Variants in DIP2A observed in about 807,000 individuals in gnomAD.
The protein encoded by DIP2A is DIP2 acetate--CoA ligase A.
A neutral mutation model predicts 177.4 loss-of-function variants in DIP2A; 85 were observed. The ratio of observed to expected loss-of-function variants is 0.48; its 90% CI spans 0.40 to 0.57. The LOEUF is 0.57. DIP2A is among the 20% of genes least tolerant of loss of function. DIP2A has a pLI of 0.00. For missense variants in DIP2A, 1,791 were observed against 2,100.2 expected (o/e 0.85, Z 2.88); for synonymous variants, 886 against 881.8 (o/e 1.00, Z -0.08).
At position 46,539,903 on chromosome 21, in the gene DIP2A, C is replaced by T; in HGVS notation, c.1948C>T (p.Leu650Phe). The change falls in exon 17 of 38, where the codon CTC (leucine) becomes TTC (phenylalanine). Residue 650 changes from leucine to phenylalanine, a missense_variant. Physicochemically the swap from Leu to Phe is conservative, Grantham distance 22 (BLOSUM62 0). Coordinates refer to ENST00000417564, the MANE Select transcript of DIP2A (RefSeq NM_015151.4). ...PWSISSCDAF[L>F]NVFQSRGLRP... The stretch of plus-strand genomic sequence containing the variant: ...GTCGATCTCCTCCTGTGACGCCTTC[C>T]TCAACGTCTTCCAGTCCAGAGGTCT... 2 of 1,614,028 alleles carry T rather than the reference C, an allele frequency of 1.2e-6. No individual in the cohort carries two copies. The highest frequency in any genetic ancestry group is 1.7e-6 in the Non-Finnish European group (2 of 1,179,890).
rs2060928496 is a variant in DIP2A at position 46,569,688 on chromosome 21, T to C, written c.*2066T>C. The C allele has an allele frequency of 6.6e-6, 1 of 152,200 alleles. No individual in the cohort carries two copies. The highest frequency in any genetic ancestry group is 6.5e-5 in the Admixed American group (1 of 15,280). 9.4% of individuals were successfully genotyped at this position (152,200 alleles called of 1,614,324 possible). A position where few individuals can be genotyped will look rare whatever the true frequency, so the allele number is the denominator to read the frequency against. On this transcript the variant is annotated 3_prime_UTR_variant, in exon 38 of 38. Coordinates refer to ENST00000417564, the MANE Select transcript of DIP2A (RefSeq NM_015151.4). ...TAAAATTTTTATATCATTATGTTAA[T>C]AAAAGTTATTGACTTTGTAATTCTG...
chr21:46,509,955 G>A (rs1432525987), intron 7 of DIP2A, among the ~76,000 whole-genome samples: 2 of 152,190 alleles, frequency 1.3e-5, no homozygotes, highest in Admixed American at 1.3e-4. Context: ...CTCCACACCC[G>A]AGGATTAGAC....
rs766371643 is a variant in DIP2A, at chr21:46,538,591, G to C, written c.1910G>C (p.Gly637Ala). The C allele has an allele frequency of 2.6e-6, 4 of 1,552,704 alleles. No individual in the cohort carries two copies. The East Asian group carries it at 7.3e-5, about 28-fold the overall frequency. The change falls in exon 16 of 38, where the codon GGT (glycine) becomes GCT (alanine). Residue 637 changes from glycine to alanine, a missense_variant. Gly to Ala is a moderately conservative substitution (Grantham distance 60). Transcript: ENST00000417564. ...SSLRMLIVAD[G>A]ANPWSISSCD... is the part of the protein sequence containing the mutation. ...CTGCGCATGCTGATTGTGGCCGATGGTGCCAACCCGTGTGAGTGAGCCTGT... is the reference window on the plus strand; with the variant it reads ...CTGCGCATGCTGATTGTGGCCGATGCTGCCAACCCGTGTGAGTGAGCCTGT...
In DIP2A at chr21:46,547,094, C is replaced by A. The variant is rs778483781; in HGVS notation, c.2522+52C>A. 3.1e-6 allele frequency: 5 copies of A among 1,593,466 alleles called. No individual in the cohort carries two copies. In the South Asian group the frequency reaches 4.4e-5, roughly 14 times the overall value. ...GGAGTAGATTCCTTCATTTGCAGCT[C>A]GGGAAGTCTTTGTGCAGTAGATGGA... On this transcript the variant is annotated intron_variant, in intron 21 of 37. Transcript: ENST00000417564.
At chr21:46,499,839 G>A (rs1034706479) in intron 5 of DIP2A, among the ~76,000 whole-genome samples, 1 of 152,130 alleles carries the variant, frequency 6.6e-6, no homozygotes, top group African/African-American at 2.4e-5. Context: ...AAAGTCCAGC[G>A]ATTGTAACTT....
At position 46,511,312 on chromosome 21, in the gene DIP2A, A is replaced by G. The variant is rs563005745; in HGVS notation, c.905-105A>G. ...GAAACAAATTATTGTAAGCTTTTTT[A>G]TAGTTGGGATTAAAAAACAATATTA... is the stretch of plus-strand genomic sequence containing the variant. On this transcript the variant is annotated intron_variant, in intron 7 of 37. Transcript: ENST00000417564. 4.2e-6 allele frequency: 5 copies of G among 1,189,632 alleles called. No homozygotes were observed. The South Asian group carries it at 6.3e-5, about 15-fold the overall frequency. The allele number at this position is 1,189,632 out of a possible 1,614,324, so 73.7% of individuals were successfully genotyped here.
At position 46,538,620 on chromosome 21, in the gene DIP2A, C is replaced by T; in HGVS notation, c.1921+18C>T. 8 of 1,546,108 alleles carry T rather than the reference C, an allele frequency of 5.2e-6. No homozygotes were observed. The highest frequency in any genetic ancestry group is 7.0e-6 in the Non-Finnish European group (8 of 1,147,082). On this transcript the variant is annotated intron_variant, in intron 16 of 37. Coordinates refer to ENST00000417564, the MANE Select transcript of DIP2A (RefSeq NM_015151.4). The stretch of plus-strand genomic sequence containing the variant: ...CAACCCGTGTGAGTGAGCCTGTGTG[C>T]CCGGCGCATACCCCACACAGTGTCC...
intron 34 of DIP2A, among the ~76,000 whole-genome samples, chr21:46,562,824 C>T (rs1315648373): frequency 6.6e-6 from 1 of 152,130 alleles, no homozygotes; most frequent in Non-Finnish European, 1.5e-5. Context: ...CTGTGGGAGC[C>T]GTGGGCTGCT....
At chr21:46,514,650 T>G (rs1449935091) in intron 8 of DIP2A, among the ~76,000 whole-genome samples, 3 of 146,320 alleles carry the variant, frequency 2.1e-5, no homozygotes, top group Admixed American at 2.0e-4. Context: ...TGGTTTTTTT[T>G]TTTTTGCACA....
chr21:46,508,823 C>G (rs1009905133), intron 6 of DIP2A, among the ~76,000 whole-genome samples: 5 of 151,644 alleles, frequency 3.3e-5, no homozygotes, highest in Admixed American at 2.6e-4. Context: ...GAGATCGATA[C>G]CATCCTGGCC....
chr21:46,550,042 G>A (rs1601806150), intron 22 of DIP2A, 157 bp downstream of exon 22: 3 of 1,453,944 alleles, frequency 2.1e-6, no homozygotes, highest in East Asian at 4.9e-5. Flanking sequence ...AATTACAGCT[G>A]TATGTATTTA....
At chr21:46,477,815 C>T (rs1398576592) in intron 1 of DIP2A, among the ~76,000 whole-genome samples, 1 of 151,880 alleles carries the variant, frequency 6.6e-6, no homozygotes, top group East Asian at 2.0e-4. Context: ...AATTCCTGAC[C>T]TCAGGTGATC....
chr21:46,533,135 A>G (rs1018170811), intron 10 of DIP2A, among the ~76,000 whole-genome samples: 1 of 152,236 alleles, frequency 6.6e-6, no homozygotes, highest in Non-Finnish European at 1.5e-5. Context: ...ATAATTTAAT[A>G]TCGTTGGTGA....
chr21:46,556,174 CT>C lies in DIP2A; in HGVS notation c.3498+84del. On this transcript the variant is annotated intron_variant, in intron 29 of 37. Coordinates refer to ENST00000417564, the MANE Select transcript of DIP2A (RefSeq NM_015151.4). This position sits in a 1 kb window ranked among gnomAD's most constrained non-coding sequence, Gnocchi z 4.5. ...AAAGGATGTCAGATGCAGATTTAAA[CT>C]GACAGGTCCTTCTTATGCAAAGCAC... 7.0e-7 allele frequency: 1 copy of C among 1,422,884 alleles called. No individual in the cohort carries two copies. The highest frequency in any genetic ancestry group is 9.9e-7 in the Non-Finnish European group (1 of 1,013,026). 88.1% of individuals were successfully genotyped at this position (1,422,884 alleles called of 1,614,324 possible). A position where few individuals can be genotyped will look rare whatever the true frequency, so the allele number is the denominator to read the frequency against.
At chr21:46,464,083 T>A (rs1482310791) in intron 1 of DIP2A, among the ~76,000 whole-genome samples, 1 of 151,952 alleles carries the variant, frequency 6.6e-6, no homozygotes, top group Non-Finnish European at 1.5e-5. Context: ...TTCTTGAATA[T>A]TTTGTGGTAT....
chr21:46,477,387 C>T (rs547552019), intron 1 of DIP2A, among the ~76,000 whole-genome samples: 8 of 151,202 alleles, frequency 5.3e-5, no homozygotes, highest in Non-Finnish European at 1.0e-4. Flanking sequence ...ATTAACGGGG[C>T]GTGGTGGCAG....
rs754842784 is a variant in DIP2A, at chr21:46,554,637, C to T, written c.3217C>T (p.Arg1073Trp). Residue 1073 changes from arginine (R) to tryptophan (W), a missense_variant, in exon 27 of 38, where the codon CGG (arginine) becomes TGG (tryptophan). Transcript: ENST00000417564. ...LYCGCVPVTVRPPHPQNLGTT... is the reference protein window; with the variant it reads ...LYCGCVPVTVWPPHPQNLGTT... ...CTGTGGCTGCGTGCCTGTCACCGTG[C>T]GGCCCCCGCACCCTCAGAACCTCGG... is the stretch of plus-strand genomic sequence containing the variant. The T allele has an allele frequency of 1.3e-5, 21 of 1,599,012 alleles. No homozygotes were observed. Among genetic ancestry groups the T allele is most frequent in the South Asian group, 1.1e-5 (1 of 88,638 alleles).
At position 46,496,880 on chromosome 21, in the gene DIP2A, T is replaced by C. The variant is rs896513237; in HGVS notation, c.284-108T>C. 4.4e-6 allele frequency: 5 copies of C among 1,136,970 alleles called. No individual in the cohort carries two copies. In the East Asian group the frequency reaches 1.4e-4, roughly 32 times the overall value. The allele number at this position is 1,136,970 out of a possible 1,614,324, so 70.4% of individuals were successfully genotyped here. A position where few individuals can be genotyped will look rare whatever the true frequency, so the allele number is the denominator to read the frequency against. ...ACATGTGAGGATAGACAGAGAGAGC[T>C]TCTATTCCTTTTACCCCCACTGAAA... On this transcript the variant is annotated intron_variant, in intron 3 of 37. Transcript: ENST00000417564.
intron 8 of DIP2A, among the ~76,000 whole-genome samples, chr21:46,520,501 T>C (rs943353880): frequency 4.6e-5 from 7 of 152,218 alleles, no homozygotes; most frequent in African/African-American, 1.7e-4. Flanking sequence ...TTTTCCTCTA[T>C]TCTAATGTCG....
Sources: gnomAD v4.1 joint callset for allele counts (sites outside exome capture counted in the v4.1 genomes callset) on GRCh38, gnomAD v4.1.1 for gene constraint, Gnocchi (gnomAD v3.1) non-coding constraint, MANE v1.5 for transcripts, NCBI Gene and HGNC (gene_info 2026-07-23, HGNC 2026-07-21) for gene names.